The following NEK7 variants were observed in gnomAD, a reference collection of about 807,000 sequenced individuals.
The protein encoded by NEK7 is serine/threonine-protein kinase Nek7.
In NEK7, 18 loss-of-function variants were observed where a neutral mutation model predicts 44.6. The observed-to-expected ratio is 0.40, with a 90% CI of 0.28 to 0.60. The LOEUF (loss-of-function observed/expected upper bound fraction) is 0.60. NEK7 is among the 20% of genes least tolerant of loss of function. NEK7 has a pLI of 0.38. For missense variants in NEK7, 256 were observed against 366.5 expected (o/e 0.70, Z 2.46); for synonymous variants, 130 against 121.1 (o/e 1.07, Z -0.48).
In NEK7 at chr1:198,232,610, G is replaced by A. The variant is rs781671126; in HGVS notation, c.30G>A (p.Gly10=). The A allele has an allele frequency of 5.0e-6, 8 of 1,606,118 alleles. No homozygotes were observed. Among genetic ancestry groups the A allele is most frequent in the Non-Finnish European group, 8.5e-7 (1 of 1,173,166 alleles). The change falls in exon 2 of 10, where the codon GGG becomes GGA. Residue 10 remains glycine (G), a synonymous_variant. Transcript: ENST00000367385. MDEQSQGMQ[G]PPVPQFQPQK... is the part of the protein sequence containing the mutation. ...ATGAGCAATCACAAGGAATGCAAGG[G>A]CCACCTGTTCCTCAGTTCCAACCAC...
chr1:198,171,563 CA>C (rs1429869226), intron 1 of NEK7, among the ~76,000 whole-genome samples: 1 of 151,878 alleles, frequency 6.6e-6, no homozygotes, highest in Non-Finnish European at 1.5e-5. Context: ...CCTGTAATCC[CA>C]GCTACTCCAG....
chr1:198,174,832 A>G (rs1571501989), intron 1 of NEK7, among the ~76,000 whole-genome samples: 1 of 151,892 alleles, frequency 6.6e-6, no homozygotes, highest in Non-Finnish European at 1.5e-5. Flanking sequence ...ATCATGGCTC[A>G]CTGCAGCCTC....
At chr1:198,202,053 G>C (rs1193687874) in intron 1 of NEK7, among the ~76,000 whole-genome samples, 1 of 152,126 alleles carries the variant, frequency 6.6e-6, no homozygotes, top group Non-Finnish European at 1.5e-5. Context: ...TCATCTCAGG[G>C]CATCTAGTCT....
chr1:198,192,877 C>T (rs1034466407), intron 1 of NEK7, among the ~76,000 whole-genome samples: 1 of 151,994 alleles, frequency 6.6e-6, no homozygotes, highest in African/African-American at 2.4e-5. Flanking sequence ...CTCAAATTGA[C>T]AACCTAACAT....
At chr1:198,185,887 T>A (rs1369531410) in intron 1 of NEK7, among the ~76,000 whole-genome samples, 2 of 152,240 alleles carry the variant, frequency 1.3e-5, no homozygotes, top group Non-Finnish European at 2.9e-5. Context: ...CCAGATTAGT[T>A]GTCATTTTTA....
intron 2 of NEK7, among the ~76,000 whole-genome samples, chr1:198,237,536 A>G (rs1666571469): frequency 6.6e-6 from 1 of 152,136 alleles, no homozygotes. Flanking sequence ...CTGGTCTCAT[A>G]CTTAATGTTA....
At chr1:198,275,803 C>T (rs1030493091) in intron 5 of NEK7, among the ~76,000 whole-genome samples, 2 of 151,028 alleles carry the variant, frequency 1.3e-5, no homozygotes, top group African/African-American at 4.8e-5. Context: ...TCAGAACAGA[C>T]AGGCTTTTCT....
intron 1 of NEK7, among the ~76,000 whole-genome samples, chr1:198,186,411 G>C (rs1664927387): frequency 6.6e-6 from 1 of 152,126 alleles, no homozygotes; most frequent in East Asian, 1.9e-4. Flanking sequence ...GTTTTGTTTT[G>C]TTTTGTTTTG....
chr1:198,257,419 A>G (rs1355969734), intron 3 of NEK7, among the ~76,000 whole-genome samples: 1 of 152,176 alleles, frequency 6.6e-6, no homozygotes, highest in African/African-American at 2.4e-5. Context: ...ATAATTAGAA[A>G]TTAGGATTAT....
At chr1:198,233,024 T>C (rs1388709866) in intron 2 of NEK7, among the ~76,000 whole-genome samples, 2 of 152,140 alleles carry the variant, frequency 1.3e-5, no homozygotes, top group African/African-American at 4.8e-5. Flanking sequence ...AAGGCAGCTT[T>C]AGCTTTTAAC....
chr1:198,214,607 A>G (rs1377458934), intron 1 of NEK7, among the ~76,000 whole-genome samples: 2 of 152,204 alleles, frequency 1.3e-5, no homozygotes, highest in Non-Finnish European at 2.9e-5. Flanking sequence ...AAGGCTTTCA[A>G]ATTAACCCAG....
chr1:198,261,923 G>A (rs1653487982), intron 3 of NEK7, among the ~76,000 whole-genome samples: 1 of 151,760 alleles, frequency 6.6e-6, no homozygotes, highest in African/African-American at 2.4e-5. Context: ...TTTATGTGTA[G>A]TACTGTATGT....
At chr1:198,274,142 C>T (rs939622252) in intron 5 of NEK7, among the ~76,000 whole-genome samples, 8 of 151,136 alleles carry the variant, frequency 5.3e-5, no homozygotes, top group African/African-American at 1.9e-4. Flanking sequence ...AAATGGAGAG[C>T]AGCTGGTGCC....
rs970881553 is a variant in NEK7, at chr1:198,203,835, T to A, written c.-28-28718T>A. On this transcript the variant is annotated intron_variant, in intron 1 of 9. Transcript: ENST00000367385. ...TAGAAAGTGACAGAGGTTGAATTCA[T>A]TTTTTTTTTGTGTGTGTGTGTCCTT... 3.5e-5 allele frequency among the ~76,000 whole-genome samples: 5 copies of A among 143,080 alleles called. 1 individual carries two copies. The highest frequency in any genetic ancestry group is 6.2e-5 in the Non-Finnish European group (4 of 64,394). 93.9% of individuals were successfully genotyped at this position (143,080 alleles called of 152,430 possible). A position where few individuals can be genotyped will look rare whatever the true frequency, so the allele number is the denominator to read the frequency against.
intron 1 of NEK7, among the ~76,000 whole-genome samples, chr1:198,222,876 C>T (rs894305949): frequency 1.1e-4 from 12 of 106,530 alleles, no homozygotes; most frequent in Admixed American, 8.5e-4. Context: ...AAGAATCAAG[C>T]GGGGGGTGGG....
intron 7 of NEK7, among the ~76,000 whole-genome samples, chr1:198,282,620 C>T (rs1034153086): frequency 1.3e-5 from 2 of 152,000 alleles, no homozygotes; most frequent in Non-Finnish European, 2.9e-5. Flanking sequence ...AGTCCCTGAC[C>T]AAATAATATA....
At chr1:198,239,169 G>A (rs891520026) in intron 2 of NEK7, among the ~76,000 whole-genome samples, 20 of 152,152 alleles carry the variant, frequency 1.3e-4, no homozygotes, top group Admixed American at 7.9e-4. Flanking sequence ...TGCAGCAAGA[G>A]TTGTCTTTCT....
chr1:198,224,449 T>C (rs1666153853), intron 1 of NEK7, among the ~76,000 whole-genome samples: 1 of 152,178 alleles, frequency 6.6e-6, no homozygotes, highest in Admixed American at 6.5e-5. Flanking sequence ...ATGATGTTCA[T>C]ACAATGACAA....
chr1:198,268,492 A>G (rs1474628471), intron 5 of NEK7, among the ~76,000 whole-genome samples: 3 of 150,710 alleles, frequency 2.0e-5, no homozygotes, highest in African/African-American at 7.3e-5. Context: ...CTCCCTTTCC[A>G]TTTCTCTCCC....
Sources: allele counts gnomAD v4.1 joint callset (sites outside exome capture counted in the v4.1 genomes callset), GRCh38; gene constraint gnomAD v4.1.1; transcripts MANE v1.5; gene names NCBI Gene and HGNC (gene_info 2026-07-23, HGNC 2026-07-21).